Variants in SH3GL2 observed in about 807,000 individuals in gnomAD.
SH3GL2 encodes the protein SH3 domain containing GRB2 like 2, endophilin A1, also known as endophilin-A1.
A neutral mutation model predicts 46.0 loss-of-function variants in SH3GL2; 24 were observed. That is an observed-to-expected ratio of 0.52 (90% CI 0.38 to 0.73). The LOEUF (loss-of-function observed/expected upper bound fraction) is 0.73. Ranked by LOEUF, SH3GL2 falls within the 30% of genes least tolerant of loss-of-function variation. The pLI is 0.00. For missense variants in SH3GL2, 413 were observed against 424.2 expected (o/e 0.97, Z 0.23); for synonymous variants, 196 against 147.1 (o/e 1.33, Z -2.40).
intron 3 of SH3GL2, among the ~76,000 whole-genome samples, chr9:17,768,563 T>A (rs1454951141): frequency 6.6e-6 from 1 of 152,124 alleles, no homozygotes; most frequent in Non-Finnish European, 1.5e-5. Context: ...GTGGCCCCTG[T>A]GCTTTCTGTC....
rs1389694608 is a variant in SH3GL2, at chr9:17,796,297, G to A, written c.*554G>A. 1 of 152,808 alleles carries A rather than the reference G, an allele frequency of 6.5e-6. No individual in the cohort carries two copies. Among genetic ancestry groups the A allele is most frequent in the African/African-American group, 2.4e-5 (1 of 41,432 alleles). 9.5% of individuals were successfully genotyped at this position (152,808 alleles called of 1,614,324 possible). Reference sequence around the variant, plus strand: ...TAATTGTGGGTTCAAAGCATTCTCTGCAAATAGGCATCTCAGCTCCTCACA... The same window carrying A: ...TAATTGTGGGTTCAAAGCATTCTCTACAAATAGGCATCTCAGCTCCTCACA... On this transcript the variant is annotated 3_prime_UTR_variant, in exon 9 of 9. Transcript: ENST00000380607.
chr9:17,706,493 A>G (rs751696962), intron 1 of SH3GL2, among the ~76,000 whole-genome samples: 1 of 152,026 alleles, frequency 6.6e-6, no homozygotes, highest in African/African-American at 2.4e-5. Flanking sequence ...TCCTAAAGAA[A>G]TCCATAGCTG....
intron 1 of SH3GL2, among the ~76,000 whole-genome samples, chr9:17,629,393 A>G (rs1819368102): frequency 6.6e-6 from 1 of 152,212 alleles, no homozygotes. Flanking sequence ...TTTATAATGA[A>G]GTCTCTGAAA....
In SH3GL2 at chr9:17,696,094, C is replaced by T. The variant is rs541048223; in HGVS notation, c.46-50972C>T. On this transcript the variant is annotated intron_variant, in intron 1 of 8. Coordinates refer to ENST00000380607, the MANE Select transcript of SH3GL2 (RefSeq NM_003026.5). The stretch of plus-strand genomic sequence containing the variant: ...TTTTCTCATCCCTTCAGTGAAGGCC[C>T]TCTGTAATACCCAAGTCCTTTCCAG... Among the ~76,000 whole-genome samples the T allele has an allele frequency of 6.6e-5, 10 of 152,238 alleles. No homozygotes were observed. The South Asian group carries it at 2.1e-3, about 32-fold the overall frequency.
At chr9:17,644,574 A>G (rs1194483946) in intron 1 of SH3GL2, among the ~76,000 whole-genome samples, 2 of 151,974 alleles carry the variant, frequency 1.3e-5, no homozygotes, top group Non-Finnish European at 2.9e-5. Flanking sequence ...CTTAATTTTG[A>G]TATTTACCTT....
At chr9:17,580,377 C>G (rs1345962106) in intron 1 of SH3GL2, among the ~76,000 whole-genome samples, 1 of 152,110 alleles carries the variant, frequency 6.6e-6, no homozygotes. Flanking sequence ...TTGTTATGAA[C>G]CACATCCAGA....
chr9:17,624,384 A>G (rs970753486), intron 1 of SH3GL2, among the ~76,000 whole-genome samples: 2 of 152,198 alleles, frequency 1.3e-5, no homozygotes, highest in African/African-American at 4.8e-5. Context: ...TCAGTGCAAG[A>G]TTTAGCATCC....
rs1055420282 is a variant in SH3GL2, at chr9:17,665,430, T to C, written c.46-81636T>C. 3.3e-5 allele frequency among the ~76,000 whole-genome samples: 5 copies of C among 152,266 alleles called. No individual in the cohort carries two copies. The South Asian group carries it at 8.3e-4, about 25-fold the overall frequency. On this transcript the variant is annotated intron_variant, in intron 1 of 8. Coordinates refer to ENST00000380607, the MANE Select transcript of SH3GL2 (RefSeq NM_003026.5). ...TCGTGACCTTGATGTTTTTGATGAG[T>C]ACAGGCAAATTATTTTGTAGAATGT... is the stretch of plus-strand genomic sequence containing the variant.
At chr9:17,647,444 G>A (rs1033245806) in intron 1 of SH3GL2, among the ~76,000 whole-genome samples, 4 of 151,310 alleles carry the variant, frequency 2.6e-5, no homozygotes, top group East Asian at 3.9e-4. Context: ...TCTCTCTACC[G>A]TTTGAGGAAA....
intron 2 of SH3GL2, among the ~76,000 whole-genome samples, chr9:17,756,857 G>T (rs1235748874): frequency 6.6e-6 from 1 of 152,018 alleles, no homozygotes; most frequent in Non-Finnish European, 1.5e-5. Context: ...GGGATGGCTG[G>T]GTCAAATGGT....
chr9:17,759,974 G>C (rs1467522165), intron 2 of SH3GL2, among the ~76,000 whole-genome samples: 1 of 152,020 alleles, frequency 6.6e-6, no homozygotes, highest in African/African-American at 2.4e-5. Flanking sequence ...CATTTCCCTG[G>C]CATAAGACAT....
intron 1 of SH3GL2, among the ~76,000 whole-genome samples, chr9:17,710,065 G>C (rs1388612439): frequency 3.3e-5 from 5 of 151,884 alleles, no homozygotes; most frequent in African/African-American, 1.2e-4. Context: ...TGAAGAGTCT[G>C]AGTTTCACCC....
intron 1 of SH3GL2, among the ~76,000 whole-genome samples, chr9:17,727,945 CAT>C (rs1563829173): frequency 6.6e-6 from 1 of 152,068 alleles, no homozygotes; most frequent in Non-Finnish European, 1.5e-5. Context: ...CTAAGACAGA[CAT>C]GTGGGCAGTA....
At chr9:17,701,206 C>A (rs1459642866) in intron 1 of SH3GL2, among the ~76,000 whole-genome samples, 5 of 152,206 alleles carry the variant, frequency 3.3e-5, no homozygotes, top group African/African-American at 9.7e-5. Context: ...TACGCAGAAC[C>A]TTCCCAGAGG....
chr9:17,782,138 T>C (rs1588331607), intron 3 of SH3GL2, among the ~76,000 whole-genome samples: 1 of 152,194 alleles, frequency 6.6e-6, no homozygotes, highest in Non-Finnish European at 1.5e-5. Flanking sequence ...AACCAGGCAG[T>C]GAAACTTCAC....
intron 1 of SH3GL2, among the ~76,000 whole-genome samples, chr9:17,623,039 TCCTTCCCCTTCCCCTTCC>T (rs796258446): frequency 8.3e-5 from 7 of 84,220 alleles, no homozygotes; most frequent in African/African-American, 2.7e-4. Flanking sequence ...TCCTTTCCTT[TCCTTCCCCTTCCCCTTCC>T]CCTTCCCCTT....
chr9:17,723,153 C>T lies in SH3GL2; in HGVS notation c.46-23913C>T, dbSNP rs572277179. Among the ~76,000 whole-genome samples the T allele has an allele frequency of 7.4e-4, 113 of 151,738 alleles. 3 individuals carry two copies. In the South Asian group the frequency reaches 0.023, roughly 31 times the overall value. ...AAATGGTCTTTGTGGATTTTATTTG[C>T]TTCATATTTGTACAAAGCTTTCATA... On this transcript the variant is annotated intron_variant, in intron 1 of 8. Transcript: ENST00000380607.
At chr9:17,652,502 A>G (rs758729564) in intron 1 of SH3GL2, among the ~76,000 whole-genome samples, 6 of 152,090 alleles carry the variant, frequency 3.9e-5, no homozygotes, top group East Asian at 1.9e-4. Flanking sequence ...TGACTGCTCC[A>G]TGAGTGCTTC....
At chr9:17,649,778 C>A (rs1011111311) in intron 1 of SH3GL2, among the ~76,000 whole-genome samples, 3 of 152,094 alleles carry the variant, frequency 2.0e-5, no homozygotes, top group African/African-American at 7.2e-5. Flanking sequence ...TTCTGAGAAG[C>A]CTAAGTAGTT....
Sources: allele counts gnomAD v4.1 joint callset (sites outside exome capture counted in the v4.1 genomes callset), GRCh38; gene constraint gnomAD v4.1.1; transcripts MANE v1.5; gene names NCBI Gene and HGNC (gene_info 2026-07-23, HGNC 2026-07-21).